ZNF804B: variants seen among roughly 807,000 people sequenced by gnomAD.
ZNF804B encodes zinc finger protein 804B.
ZNF804B carries 80 observed loss-of-function variants against 101.4 expected under a neutral mutation model. The ratio of observed to expected loss-of-function variants is 0.79; its 90% CI spans 0.66 to 0.95. The LOEUF (loss-of-function observed/expected upper bound fraction) is 0.95, where lower values mean the gene tolerates loss of function less well. Ranked by LOEUF, ZNF804B falls within the 40% of genes least tolerant of loss-of-function variation. The pLI is 0.00. For missense variants in ZNF804B, 1,673 were observed against 1,561.9 expected (o/e 1.07, Z -1.20); for synonymous variants, 622 against 558.8 (o/e 1.11, Z -1.59).
chr7:89,333,720 T>G lies in ZNF804B; in HGVS notation c.738T>G (p.His246Gln), dbSNP rs1231514163. 1 of 1,613,400 alleles carries G rather than the reference T, an allele frequency of 6.2e-7. No individual in the cohort carries two copies. The highest frequency in any genetic ancestry group is 8.5e-7 in the Non-Finnish European group (1 of 1,179,736). ...TCAGTGAGAACACAGAAGAAACCCA[T>G]GATTGTAACAAGTCACCCATTTATA... ...SVFSENTEET[H>Q]DCNKSPIYKT... is the part of the protein sequence containing the mutation. Residue 246 changes from histidine (H) to glutamine (Q), a missense_variant, in exon 4 of 4, where the codon CAT becomes CAG. Coordinates refer to ENST00000333190, the MANE Select transcript of ZNF804B (RefSeq NM_181646.5).
At chr7:89,276,804 A>G (rs79586336) in intron 2 of ZNF804B, among the ~76,000 whole-genome samples, 1,600 of 151,950 alleles carry the variant, frequency 0.011, 66 homozygotes, top group African/African-American at 0.037. Context: ...ACTTAATCAT[A>G]TATTTGTACT....
intron 2 of ZNF804B, among the ~76,000 whole-genome samples, chr7:89,280,062 C>G (rs1180296565): frequency 6.6e-6 from 1 of 152,172 alleles, no homozygotes; most frequent in African/African-American, 2.4e-5. Flanking sequence ...AACTATCTCT[C>G]AGACCACAGT....
intron 1 of ZNF804B, among the ~76,000 whole-genome samples, chr7:89,175,421 A>G (rs1353171049): frequency 6.6e-6 from 1 of 151,604 alleles, no homozygotes; most frequent in African/African-American, 2.4e-5. Context: ...GCTCCATTCT[A>G]TTTCATTGGT....
At chr7:88,983,408 G>T (rs1458631322) in intron 1 of ZNF804B, among the ~76,000 whole-genome samples, 1 of 151,978 alleles carries the variant, frequency 6.6e-6, no homozygotes, top group Non-Finnish European at 1.5e-5. Flanking sequence ...ATCTAGGATG[G>T]ACCCTGATAA....
rs1697319268 is a variant in ZNF804B, at chr7:89,005,802, C to G, written c.109-212353C>G. Reference sequence around the variant, plus strand: ...TCACCTCTGTCATTACATTGCAGACCTTCCACACTCCTTAGAAACTTATTC... The same window carrying G: ...TCACCTCTGTCATTACATTGCAGACGTTCCACACTCCTTAGAAACTTATTC... On this transcript the variant is annotated intron_variant, in intron 1 of 3. Coordinates refer to ENST00000333190, the MANE Select transcript of ZNF804B (RefSeq NM_181646.5). Among the ~76,000 whole-genome samples, 3 of 152,040 alleles carry G rather than the reference C, an allele frequency of 2.0e-5. No homozygotes were observed. In the South Asian group the frequency reaches 6.2e-4, roughly 31 times the overall value.
chr7:88,795,362 AT>A (rs1234433228), intron 1 of ZNF804B, among the ~76,000 whole-genome samples: 1 of 151,786 alleles, frequency 6.6e-6, no homozygotes, highest in African/African-American at 2.4e-5. Context: ...TTAAAAAAAA[AT>A]CCAAGGCTTT....
intron 1 of ZNF804B, among the ~76,000 whole-genome samples, chr7:88,852,122 A>C (rs112415980): frequency 1.0e-3 from 155 of 152,240 alleles, no homozygotes; most frequent in African/African-American, 3.7e-3. Flanking sequence ...GAGGGAATGC[A>C]AAAGTTAAAA....
At chr7:89,238,787 G>T (rs1003929679) in intron 2 of ZNF804B, among the ~76,000 whole-genome samples, 1 of 152,158 alleles carries the variant, frequency 6.6e-6, no homozygotes, top group Admixed American at 6.5e-5. Context: ...GTTGATCAAA[G>T]GTTAGAAATT....
intron 1 of ZNF804B, among the ~76,000 whole-genome samples, chr7:89,078,386 T>C (rs1789643883): frequency 6.6e-6 from 1 of 152,108 alleles, no homozygotes; most frequent in Admixed American, 6.6e-5. Context: ...TTGGTCATGC[T>C]TCTAATTTGA....
chr7:88,978,988 A>G (rs6957843), intron 1 of ZNF804B, among the ~76,000 whole-genome samples: 48,369 of 151,648 alleles, frequency 0.32, 8,094 homozygotes, highest in African/African-American at 0.41. Flanking sequence ...AACATCTTAT[A>G]TTCCATTATT....
chr7:89,209,034 A>G (rs553215121), intron 1 of ZNF804B, among the ~76,000 whole-genome samples: 5 of 152,168 alleles, frequency 3.3e-5, no homozygotes, highest in African/African-American at 9.6e-5. Context: ...TAATAATAAT[A>G]ATAATAATCC....
chr7:88,871,545 A>G (rs867322490), intron 1 of ZNF804B, among the ~76,000 whole-genome samples: 2 of 152,194 alleles, frequency 1.3e-5, no homozygotes, highest in Non-Finnish European at 2.9e-5. Flanking sequence ...TAATTACACT[A>G]TACTTTAGTG....
At chr7:89,017,033 C>T (rs1788576590) in intron 1 of ZNF804B, among the ~76,000 whole-genome samples, 1 of 152,108 alleles carries the variant, frequency 6.6e-6, no homozygotes, top group South Asian at 2.1e-4. Flanking sequence ...TTGTAGTTCT[C>T]CTTGAAGAGG....
At chr7:89,244,512 A>G (rs989762651) in intron 2 of ZNF804B, among the ~76,000 whole-genome samples, 4 of 152,158 alleles carry the variant, frequency 2.6e-5, no homozygotes, top group Non-Finnish European at 4.4e-5. Context: ...ATTGCACAAA[A>G]ATAAAAGGTA....
chr7:88,956,383 T>G (rs997569454), intron 1 of ZNF804B, among the ~76,000 whole-genome samples: 2 of 151,530 alleles, frequency 1.3e-5, no homozygotes, highest in Admixed American at 1.3e-4. Context: ...CATTGTTAAT[T>G]GCACACATAC....
intron 1 of ZNF804B, among the ~76,000 whole-genome samples, chr7:88,796,345 A>C (rs1790484593): frequency 6.6e-6 from 1 of 152,140 alleles, no homozygotes; most frequent in African/African-American, 2.4e-5. Context: ...GAAGGCAGAG[A>C]GGTGACTTAA....
chr7:89,091,319 C>A (rs1031838279), intron 1 of ZNF804B, among the ~76,000 whole-genome samples: 2 of 151,826 alleles, frequency 1.3e-5, no homozygotes, highest in Non-Finnish European at 2.9e-5. Flanking sequence ...AATTTCCTTT[C>A]AAACATGGTG....
At chr7:88,768,443 C>T (rs957452168) in intron 1 of ZNF804B, among the ~76,000 whole-genome samples, 5 of 152,162 alleles carry the variant, frequency 3.3e-5, no homozygotes, top group African/African-American at 1.2e-4. Flanking sequence ...TTTGGCTAGG[C>T]GCAGTGGCTC....
intron 1 of ZNF804B, among the ~76,000 whole-genome samples, chr7:89,030,307 T>A (rs1408183449): frequency 6.6e-6 from 1 of 152,196 alleles, no homozygotes; most frequent in Non-Finnish European, 1.5e-5. Flanking sequence ...ATTTAGCATA[T>A]TTTCAAGGAC....
Sources: gnomAD v4.1 joint callset for allele counts (sites outside exome capture counted in the v4.1 genomes callset) on GRCh38, gnomAD v4.1.1 for gene constraint, MANE v1.5 for transcripts, NCBI Gene and HGNC (gene_info 2026-07-23, HGNC 2026-07-21) for gene names.